GSTCD: variants seen among roughly 807,000 people sequenced by gnomAD.
The protein encoded by GSTCD is glutathione S-transferase C-terminal domain-containing protein.
Under a neutral mutation model 68.3 loss-of-function variants are expected in GSTCD, and 44 were observed. The observed-to-expected ratio is 0.64, with a 90% CI of 0.51 to 0.83. The LOEUF (loss-of-function observed/expected upper bound fraction) is 0.83. Among genes scored for constraint, GSTCD ranks in the 40% least tolerant of loss-of-function variants. GSTCD has a pLI of 0.00. For missense variants in GSTCD, 739 were observed against 735.9 expected, an observed-to-expected ratio of 1.00 and a Z score of -0.05; for synonymous variants, 273 against 255.2, an observed-to-expected ratio of 1.07 and a Z score of -0.67.
chr4:105,767,272 T>G (rs928498218), intron 5 of GSTCD, among the ~76,000 whole-genome samples: 21 of 152,316 alleles, frequency 1.4e-4, no homozygotes, highest in Admixed American at 1.1e-3. Context: ...CTACTTGTTA[T>G]AAGAGTAAGT....
Position 105,826,952 on chromosome 4 carries a change from T to C in GSTCD, c.1530+1152T>C, listed in dbSNP as rs182577943. Reference sequence around the variant, plus strand: ...TCTTAAATATTGACTACTGCAAATTTGGGGGTTTATTGTAATTTTTTTCCA... The same window carrying C: ...TCTTAAATATTGACTACTGCAAATTCGGGGGTTTATTGTAATTTTTTTCCA... On this transcript the variant is annotated intron_variant, in intron 8 of 11. Transcript: ENST00000515279. Among the ~76,000 whole-genome samples the C allele has an allele frequency of 2.4e-3, 360 of 152,300 alleles. 1 individual carries two copies. Among genetic ancestry groups the C allele is most frequent in the Non-Finnish European group, 4.1e-3 (281 of 67,998 alleles).
At chr4:105,812,149 G>C (rs1006182957) in intron 5 of GSTCD, among the ~76,000 whole-genome samples, 1 of 152,070 alleles carries the variant, frequency 6.6e-6, no homozygotes, top group Non-Finnish European at 1.5e-5. Flanking sequence ...TAAATGTTAC[G>C]CATCCCACCT....
intron 10 of GSTCD, among the ~76,000 whole-genome samples, chr4:105,841,014 G>C (rs913556634): frequency 6.6e-6 from 1 of 152,070 alleles, no homozygotes; most frequent in Admixed American, 6.5e-5. Context: ...TCCTCTGATA[G>C]AATGAAAAGC....
chr4:105,839,917 C>A (rs1171734928), intron 10 of GSTCD, among the ~76,000 whole-genome samples: 1 of 152,080 alleles, frequency 6.6e-6, no homozygotes, highest in Non-Finnish European at 1.5e-5. Context: ...GCAGAAACTC[C>A]CCAGTACACC....
intron 5 of GSTCD, among the ~76,000 whole-genome samples, chr4:105,785,182 C>T (rs535135644): frequency 6.6e-6 from 1 of 152,060 alleles, no homozygotes; most frequent in Non-Finnish European, 1.5e-5. Flanking sequence ...GAGAAATTTG[C>T]TCATTTGTAG....
Position 105,783,237 on chromosome 4 carries a change from A to G in GSTCD, c.1241-39717A>G, listed in dbSNP as rs79798272. On this transcript the variant is annotated intron_variant, in intron 5 of 11. Coordinates refer to ENST00000515279, the MANE Select transcript of GSTCD (RefSeq NM_001370181.1). ...TAGAACAAACAGCTTTCTGAAATGAATATGTTAGAGACAGTGTTAGCTTCT... is the reference window on the plus strand; with the variant it reads ...TAGAACAAACAGCTTTCTGAAATGAGTATGTTAGAGACAGTGTTAGCTTCT... 3.0e-4 allele frequency among the ~76,000 whole-genome samples: 45 copies of G among 152,318 alleles called. No homozygotes were observed. The East Asian group carries it at 8.7e-3, about 29-fold the overall frequency.
intron 5 of GSTCD, among the ~76,000 whole-genome samples, chr4:105,755,698 G>A (rs1734164350): frequency 6.6e-6 from 1 of 152,126 alleles, no homozygotes; most frequent in South Asian, 2.1e-4. Context: ...GTATCACATG[G>A]AGAGTTTTTA....
rs528868734 is a variant in GSTCD at position 105,783,631 on chromosome 4, G to A, written c.1241-39323G>A. Among the ~76,000 whole-genome samples, 8 of 152,092 alleles carry A rather than the reference G, an allele frequency of 5.3e-5. No individual in the cohort carries two copies. The South Asian group carries it at 1.7e-3, about 32-fold the overall frequency. On this transcript the variant is annotated intron_variant, in intron 5 of 11. Transcript: ENST00000515279. ...TGAACCAGTTAAAAGTGAGTTGTAGGCACTGCACCCGTTTAACCCTTACAT... is the reference window on the plus strand; with the variant it reads ...TGAACCAGTTAAAAGTGAGTTGTAGACACTGCACCCGTTTAACCCTTACAT...
chr4:105,806,457 C>T (rs1442362727), intron 5 of GSTCD, among the ~76,000 whole-genome samples: 4 of 151,960 alleles, frequency 2.6e-5, no homozygotes, highest in Non-Finnish European at 2.9e-5. Flanking sequence ...TTATATTTGG[C>T]CATTAAACCA....
chr4:105,779,268 T>A (rs1735189241), intron 5 of GSTCD, among the ~76,000 whole-genome samples: 1 of 152,200 alleles, frequency 6.6e-6, no homozygotes, highest in Non-Finnish European at 1.5e-5. Context: ...CCAGTTATTT[T>A]GCAGAATGCC....
chr4:105,757,475 A>G (rs761217829), intron 5 of GSTCD, among the ~76,000 whole-genome samples: 1 of 152,200 alleles, frequency 6.6e-6, no homozygotes, highest in Non-Finnish European at 1.5e-5. Context: ...CATCTCTTCA[A>G]ACTCTGTTCA....
intron 7 of GSTCD, 88 bp from the exon 8 acceptor site, chr4:105,825,584 A>G: frequency 2.7e-6 from 2 of 753,814 alleles, no homozygotes; most frequent in Non-Finnish European, 4.4e-6. Context: ...GTTCTACATT[A>G]TTAAAGCTAT....
At chr4:105,779,825 A>G (rs946871256) in intron 5 of GSTCD, among the ~76,000 whole-genome samples, 3 of 152,232 alleles carry the variant, frequency 2.0e-5, no homozygotes, top group Admixed American at 6.5e-5. Flanking sequence ...GGCATTGCCT[A>G]TTAATGCTCA....
intron 5 of GSTCD, among the ~76,000 whole-genome samples, chr4:105,792,263 A>G (rs1407527430): frequency 1.3e-5 from 2 of 152,130 alleles, no homozygotes; most frequent in African/African-American, 4.8e-5. Flanking sequence ...TCCAACAGAT[A>G]TTCAACAAAG....
chr4:105,804,429 T>A (rs1053226030), intron 5 of GSTCD, among the ~76,000 whole-genome samples: 1 of 152,096 alleles, frequency 6.6e-6, no homozygotes, highest in Non-Finnish European at 1.5e-5. Context: ...AAACATTGTG[T>A]TAAATTTTAG....
intron 5 of GSTCD, 62 bp from the exon 6 acceptor site, chr4:105,822,892 G>C: frequency 8.3e-7 from 1 of 1,200,022 alleles, no homozygotes; most frequent in Non-Finnish European, 1.2e-6. Flanking sequence ...TATTTTAAGC[G>C]TGTCTTCTTG....
intron 8 of GSTCD, among the ~76,000 whole-genome samples, chr4:105,831,595 TTG>T (rs1396798950): frequency 1.3e-5 from 2 of 152,254 alleles, no homozygotes; most frequent in African/African-American, 4.8e-5. Context: ...TTGTTTTTGT[TTG>T]TGTGTTCACA....
intron 3 of GSTCD, among the ~76,000 whole-genome samples, 181 bp from the exon 4 acceptor site, chr4:105,726,398 A>G (rs947532981): frequency 6.6e-6 from 1 of 152,170 alleles, no homozygotes; most frequent in Non-Finnish European, 1.5e-5. Flanking sequence ...TTACAAGGGA[A>G]ATTTCGGGGG....
At chr4:105,753,662 T>C (rs1379472177) in intron 5 of GSTCD, among the ~76,000 whole-genome samples, 1 of 152,104 alleles carries the variant, frequency 6.6e-6, no homozygotes, top group East Asian at 1.9e-4. Context: ...TATCAGGGAC[T>C]TGAGCATTCG....
Sources: gnomAD v4.1 joint callset for allele counts (sites outside exome capture counted in the v4.1 genomes callset) on GRCh38, gnomAD v4.1.1 for gene constraint, MANE v1.5 for transcripts, NCBI Gene and HGNC (gene_info 2026-07-23, HGNC 2026-07-21) for gene names.